KCNMB2: variants seen among roughly 807,000 people sequenced by gnomAD.
KCNMB2 encodes the protein calcium-activated potassium channel subunit beta-2.
KCNMB2 carries 9 observed loss-of-function variants against 24.5 expected under a neutral mutation model. That is an observed-to-expected ratio of 0.37 (90% CI 0.22 to 0.64). KCNMB2 has a LOEUF of 0.64. Among genes scored for constraint, KCNMB2 ranks in the 30% least tolerant of loss-of-function variants. KCNMB2 has a pLI of 0.63. For synonymous variants in KCNMB2, 109 were observed against 104.4 expected (o/e 1.04, Z -0.27); for missense variants, 226 against 284.3 (o/e 0.79, Z 1.47).
intron 1 of KCNMB2, among the ~76,000 whole-genome samples, chr3:178,760,349 C>CAT (rs1162268526): frequency 2.4e-5 from 2 of 82,588 alleles, no homozygotes; most frequent in Non-Finnish European, 5.0e-5. Context: ...TCCTTCGTTA[C>CAT]ATATATATAT....
At chr3:178,814,497 T>C (rs1714327109) in intron 2 of KCNMB2, among the ~76,000 whole-genome samples, 1 of 152,190 alleles carries the variant, frequency 6.6e-6, no homozygotes, top group Non-Finnish European at 1.5e-5. Flanking sequence ...AGTAATGGTA[T>C]CAATTATGGT....
intron 1 of KCNMB2, among the ~76,000 whole-genome samples, chr3:178,661,934 CCCA>C (rs1720546390): frequency 6.6e-6 from 1 of 152,012 alleles, no homozygotes; most frequent in Non-Finnish European, 1.5e-5. Flanking sequence ...CTGTTATTAT[CCCA>C]TTTTACAGAT....
rs1405920694 is a variant in KCNMB2, at chr3:178,844,200, T to C, written c.*1263T>C. The C allele has an allele frequency of 6.6e-6, 1 of 152,582 alleles. No homozygotes were observed. Among genetic ancestry groups the C allele is most frequent in the African/African-American group, 2.4e-5 (1 of 41,468 alleles). 9.5% of individuals were successfully genotyped at this position (152,582 alleles called of 1,614,324 possible). On this transcript the variant is annotated 3_prime_UTR_variant, in exon 5 of 5. Coordinates refer to ENST00000452583, the MANE Select transcript of KCNMB2 (RefSeq NM_181361.3). ...ATATCAAAAGAAGAAGACAAACATC[T>C]ATCTTTCTCATCTATATTTAAGTAC... is the stretch of plus-strand genomic sequence containing the variant.
At chr3:178,672,908 T>C (rs1720953431) in intron 1 of KCNMB2, among the ~76,000 whole-genome samples, 1 of 152,142 alleles carries the variant, frequency 6.6e-6, no homozygotes, top group Non-Finnish European at 1.5e-5. Context: ...GCAAAACACC[T>C]GTAATCTAAA....
intron 1 of KCNMB2, among the ~76,000 whole-genome samples, chr3:178,679,656 A>G (rs1216576776): frequency 6.6e-6 from 1 of 152,116 alleles, no homozygotes; most frequent in African/African-American, 2.4e-5. Flanking sequence ...CCACATGCAC[A>G]TTTCAAGGAT....
intron 1 of KCNMB2, among the ~76,000 whole-genome samples, chr3:178,746,008 C>A (rs1723653689): frequency 6.6e-6 from 1 of 152,152 alleles, no homozygotes; most frequent in Admixed American, 6.5e-5. Flanking sequence ...GTGAGTCTAC[C>A]ATTCTGGGGT....
intron 1 of KCNMB2, among the ~76,000 whole-genome samples, chr3:178,576,756 C>T (rs1577022726): frequency 6.6e-6 from 1 of 152,200 alleles, no homozygotes; most frequent in South Asian, 2.1e-4. Context: ...GCCCACCACA[C>T]CTTGGCAAAG....
At chr3:178,621,175 G>C (rs779308729) in intron 1 of KCNMB2, among the ~76,000 whole-genome samples, 17 of 152,132 alleles carry the variant, frequency 1.1e-4, no homozygotes, top group Non-Finnish European at 2.2e-4. Flanking sequence ...CAAAACAATA[G>C]AGCCTGAATT....
chr3:178,564,995 A>T (rs1234196844), intron 1 of KCNMB2, among the ~76,000 whole-genome samples: 1 of 152,202 alleles, frequency 6.6e-6, no homozygotes, highest in African/African-American at 2.4e-5. Flanking sequence ...AAGTATATGA[A>T]ATTAAATTCA....
chr3:178,656,048 G>C (rs1353892265), intron 1 of KCNMB2, among the ~76,000 whole-genome samples: 1 of 152,132 alleles, frequency 6.6e-6, no homozygotes, highest in African/African-American at 2.4e-5. Flanking sequence ...CTTTTTGAAA[G>C]TGGCAACAAT....
intron 4 of KCNMB2, among the ~76,000 whole-genome samples, chr3:178,832,255 A>AT (rs902009847): frequency 6.6e-6 from 1 of 151,772 alleles, no homozygotes; most frequent in Non-Finnish European, 1.5e-5. Context: ...TAAGTTGGCT[A>AT]TTTTTTTTCC....
At chr3:178,788,527 C>A (rs572615508) in intron 1 of KCNMB2, among the ~76,000 whole-genome samples, 1 of 152,184 alleles carries the variant, frequency 6.6e-6, no homozygotes, top group Admixed American at 6.5e-5. Context: ...CTACAGAATA[C>A]CATATATATT....
chr3:178,721,947 T>A (rs914415027), intron 1 of KCNMB2, among the ~76,000 whole-genome samples: 1 of 152,228 alleles, frequency 6.6e-6, no homozygotes, highest in Non-Finnish European at 1.5e-5. Context: ...TTTTTACACA[T>A]CCTTCTTACA....
intron 1 of KCNMB2, among the ~76,000 whole-genome samples, chr3:178,603,595 G>A (rs1004421846): frequency 1.2e-4 from 19 of 152,158 alleles, no homozygotes; most frequent in African/African-American, 4.6e-4. Context: ...AGGAGATGAT[G>A]CTCTACAACT....
intron 1 of KCNMB2, among the ~76,000 whole-genome samples, chr3:178,628,845 A>G (rs1719210811): frequency 6.6e-6 from 1 of 152,182 alleles, no homozygotes; most frequent in Non-Finnish European, 1.5e-5. Flanking sequence ...CCAACTGTGT[A>G]TATTATAGCC....
intron 1 of KCNMB2, among the ~76,000 whole-genome samples, chr3:178,623,633 A>G (rs1013616480): frequency 2.6e-5 from 4 of 152,236 alleles, no homozygotes; most frequent in African/African-American, 9.6e-5. Flanking sequence ...TTTATTTCTC[A>G]GTTCCATAGA....
rs1356815688 is a variant in KCNMB2, at chr3:178,768,803, G to T, written c.-67-38540G>T. 2.6e-5 allele frequency among the ~76,000 whole-genome samples: 4 copies of T among 152,170 alleles called. No homozygotes were observed. In the East Asian group the frequency reaches 7.7e-4, roughly 29 times the overall value. ...TATTTCCCCCACATAAACAATAAAA[G>T]TAATAAAAAGAGCCACATGTACATT... On this transcript the variant is annotated intron_variant, in intron 1 of 4. Transcript: ENST00000452583.
At chr3:178,703,331 T>A (rs1180070821) in intron 1 of KCNMB2, among the ~76,000 whole-genome samples, 1 of 152,160 alleles carries the variant, frequency 6.6e-6, no homozygotes. Flanking sequence ...TTTGCCTACA[T>A]GCTTTCCACC....
In KCNMB2 at chr3:178,825,668, G is replaced by A. The variant is rs1454482083; in HGVS notation, c.137G>A (p.Arg46Gln). Residue 46 changes from arginine to glutamine, a missense_variant, in exon 3 of 5, where the codon CGA becomes CAA. Arg to Gln is a conservative substitution (Grantham distance 43). Coordinates refer to ENST00000452583, the MANE Select transcript of KCNMB2 (RefSeq NM_181361.3). Reference sequence around the variant, plus strand: ...ACAGCACTGAAGGCAGGAGAGGACCGAGCTATTCTCCTGGGACTGGCTATG... The same window carrying A: ...ACAGCACTGAAGGCAGGAGAGGACCAAGCTATTCTCCTGGGACTGGCTATG... ...TVTALKAGED[R>Q]AILLGLAMMV... The A allele has an allele frequency of 3.7e-6, 6 of 1,613,324 alleles. No individual in the cohort carries two copies. Among genetic ancestry groups the A allele is most frequent in the Non-Finnish European group, 5.1e-6 (6 of 1,179,274 alleles).
Sources: gnomAD v4.1 joint callset for allele counts (sites outside exome capture counted in the v4.1 genomes callset) on GRCh38, gnomAD v4.1.1 for gene constraint, MANE v1.5 for transcripts, NCBI Gene and HGNC (gene_info 2026-07-23, HGNC 2026-07-21) for gene names.